AUH: variants seen among roughly 807,000 people sequenced by gnomAD.
AUH encodes the protein AU RNA binding methylglutaconyl-CoA hydratase, also known as methylglutaconyl-CoA hydratase, mitochondrial.
A neutral mutation model predicts 42.3 loss-of-function variants in AUH; 29 were observed. That is an observed-to-expected ratio of 0.69 (90% CI 0.51 to 0.93). The LOEUF is 0.93. Ranked by LOEUF, AUH falls within the 40% of genes least tolerant of loss-of-function variation. The probability of loss-of-function intolerance (pLI) is 0.00; values close to 1 mark genes in which losing one functional copy is unlikely to be tolerated. For synonymous variants in AUH, 174 were observed against 166.4 expected (o/e 1.05, Z -0.35); for missense variants, 452 against 438.1 (o/e 1.03, Z -0.28).
At chr9:91,229,568 G>T (rs1162638166) in intron 6 of AUH, among the ~76,000 whole-genome samples, 63 of 150,496 alleles carry the variant, frequency 4.2e-4, no homozygotes, top group South Asian at 1.5e-3. Flanking sequence ...AAAGTTAATA[G>T]TGTTATGTGT....
intron 5 of AUH, 148 bp downstream of exon 5, chr9:91,297,836 T>C: frequency 1.4e-6 from 1 of 691,092 alleles, no homozygotes; most frequent in Non-Finnish European, 2.4e-6. Context: ...CAGGTGGGAA[T>C]TTCGAAAACA....
At chr9:91,320,929 T>C (rs1022298200) in intron 4 of AUH, among the ~76,000 whole-genome samples, 8 of 152,148 alleles carry the variant, frequency 5.3e-5, no homozygotes, top group Non-Finnish European at 1.2e-4. Flanking sequence ...GGGAGATGGG[T>C]TGATAATTTT....
At chr9:91,304,432 C>T (rs1055904567) in intron 4 of AUH, among the ~76,000 whole-genome samples, 4 of 152,200 alleles carry the variant, frequency 2.6e-5, no homozygotes, top group African/African-American at 9.7e-5. Flanking sequence ...CAACTCCTCC[C>T]TAATACTGCG....
At chr9:91,227,833 C>T (rs895334338) in intron 6 of AUH, among the ~76,000 whole-genome samples, 69 of 152,068 alleles carry the variant, frequency 4.5e-4, no homozygotes, top group Non-Finnish European at 5.3e-4. Flanking sequence ...GTCTTTGGCT[C>T]TGTTTATGTG....
chr9:91,301,821 C>T (rs1827806855), intron 4 of AUH, among the ~76,000 whole-genome samples: 1 of 151,916 alleles, frequency 6.6e-6, no homozygotes, highest in African/African-American at 2.4e-5. Context: ...GTTCCACATA[C>T]AAAAAGAACA....
chr9:91,314,806 G>A (rs1323178847), intron 4 of AUH, among the ~76,000 whole-genome samples: 1 of 152,164 alleles, frequency 6.6e-6, no homozygotes, highest in South Asian at 2.1e-4. Context: ...ATGCTGCCCC[G>A]CCCTTCTGCC....
chr9:91,217,599 G>A (rs1194831740), intron 7 of AUH, among the ~76,000 whole-genome samples: 1 of 152,180 alleles, frequency 6.6e-6, no homozygotes, highest in Non-Finnish European at 1.5e-5. Flanking sequence ...GTCCAGCTGT[G>A]AGCTTGCTGT....
intron 6 of AUH, among the ~76,000 whole-genome samples, chr9:91,259,734 T>C (rs1829607060): frequency 6.6e-6 from 1 of 152,162 alleles, no homozygotes; most frequent in Non-Finnish European, 1.5e-5. Context: ...TATCTGGAGA[T>C]TTTAAATATG....
chr9:91,222,948 A>G (rs1428273508), intron 6 of AUH, among the ~76,000 whole-genome samples: 3 of 152,210 alleles, frequency 2.0e-5, no homozygotes, highest in Admixed American at 6.5e-5. Flanking sequence ...CTCGTTCATC[A>G]TATTGTTCCA....
intron 6 of AUH, among the ~76,000 whole-genome samples, chr9:91,286,838 A>T (rs1425191117): frequency 6.6e-6 from 1 of 152,128 alleles, no homozygotes; most frequent in Admixed American, 6.6e-5. Flanking sequence ...TTTAGACATG[A>T]GGAATAAGTT....
chr9:91,295,259 G>A (rs2131640997), intron 6 of AUH, among the ~76,000 whole-genome samples: 1 of 152,268 alleles, frequency 6.6e-6, no homozygotes, highest in Non-Finnish European at 1.5e-5. Flanking sequence ...TCTCGCATAT[G>A]TCTTTATTAG....
intron 6 of AUH, chr9:91,294,708 G>T (rs1827181098): frequency 2.2e-6 from 1 of 455,896 alleles, no homozygotes; most frequent in African/African-American, 2.0e-5. Flanking sequence ...GAAGAGGCCA[G>T]AATATCAATA....
At chr9:91,237,905 T>G (rs918363913) in intron 6 of AUH, among the ~76,000 whole-genome samples, 5 of 152,170 alleles carry the variant, frequency 3.3e-5, no homozygotes, top group Non-Finnish European at 4.4e-5. Flanking sequence ...TTTCATATGG[T>G]ATGTTCTGAA....
rs144008291 is a variant in AUH, at chr9:91,296,149, T to C, written c.599-72A>G. ...CAAATATGACAACTTGAAAAAGTTA[T>C]GAGATATACTAAAATATTGTTTACT... On this transcript the variant is annotated intron_variant, in intron 5 of 9. Coordinates refer to ENST00000375731, the MANE Select transcript of AUH (RefSeq NM_001698.3). The C allele has an allele frequency of 3.0e-4, 421 of 1,410,676 alleles. 1 individual carries two copies. Among genetic ancestry groups the C allele is most frequent in the Non-Finnish European group, 3.9e-4 (391 of 1,005,072 alleles). The allele number at this position is 1,410,676 out of a possible 1,614,324, so 87.4% of individuals were successfully genotyped here.
chr9:91,280,365 G>A (rs1263829897), intron 6 of AUH, among the ~76,000 whole-genome samples: 1 of 152,122 alleles, frequency 6.6e-6, no homozygotes, highest in Non-Finnish European at 1.5e-5. Flanking sequence ...AGACCACCTT[G>A]ATTACTGCTG....
chr9:91,284,153 A>C (rs1320193505), intron 6 of AUH, among the ~76,000 whole-genome samples: 1 of 152,140 alleles, frequency 6.6e-6, no homozygotes, highest in Non-Finnish European at 1.5e-5. Flanking sequence ...CTCAGAAATA[A>C]TACCACACAT....
chr9:91,250,611 T>A (rs1164409694), intron 6 of AUH, among the ~76,000 whole-genome samples: 1 of 152,236 alleles, frequency 6.6e-6, no homozygotes, highest in Non-Finnish European at 1.5e-5. Flanking sequence ...AGCAACTATG[T>A]AATCTGCATA....
intron 6 of AUH, among the ~76,000 whole-genome samples, chr9:91,238,377 T>C (rs1327734846): frequency 2.6e-5 from 4 of 152,206 alleles, no homozygotes; most frequent in Non-Finnish European, 1.5e-5. Flanking sequence ...GACTAAGTAC[T>C]GGACAACAGT....
At chr9:91,219,536 CT>C in intron 7 of AUH, among the ~76,000 whole-genome samples, 1 of 152,250 alleles carries the variant, frequency 6.6e-6, no homozygotes, top group South Asian at 2.1e-4. Flanking sequence ...AGGCAAAAAT[CT>C]TTTTTTATTT....
Sources: allele counts gnomAD v4.1 joint callset (sites outside exome capture counted in the v4.1 genomes callset), GRCh38; gene constraint gnomAD v4.1.1; transcripts MANE v1.5; gene names NCBI Gene and HGNC (gene_info 2026-07-23, HGNC 2026-07-21).